The following IFT172 variants were observed in gnomAD, a reference collection of about 807,000 sequenced individuals.
The protein encoded by IFT172 is intraflagellar transport protein 172 homolog.
In IFT172, 164 loss-of-function variants were observed where a neutral mutation model predicts 248.9. The ratio of observed to expected loss-of-function variants is 0.66; its 90% CI spans 0.58 to 0.75. IFT172 has a LOEUF of 0.75. IFT172 is among the 30% of genes least tolerant of loss of function. IFT172 has a pLI of 0.00. For synonymous variants in IFT172, 729 were observed against 791.6 expected (o/e 0.92, Z 1.33); for missense variants, 1,950 against 2,192.4 (o/e 0.89, Z 2.21).
rs761504464 is a variant in IFT172 at position 27,446,282 on chromosome 2, T to A, written c.4733A>T (p.Tyr1578Phe). Residue 1578 changes from tyrosine to phenylalanine, a missense_variant, in exon 43 of 48, where the codon TAT becomes TTT. By Grantham distance (22) the Tyr-to-Phe change is conservative. Transcript: ENST00000260570. The stretch of plus-strand genomic sequence containing the variant: ...CACCTTGGCAGCAATGCCTGCTTCA[T>A]AGAAGGCTTTGTCTACAGGTAGTAG... ...TQLLPVDKAF[Y>F]EAGIAAKAVG... 2 of 1,614,244 alleles carry A rather than the reference T, an allele frequency of 1.2e-6. No homozygotes were observed. Among genetic ancestry groups the A allele is most frequent in the Non-Finnish European group, 1.7e-6 (2 of 1,180,032 alleles).
chr2:27,458,151 G>C lies in IFT172; in HGVS notation c.2950C>G (p.Gln984Glu). 6.2e-7 allele frequency: 1 copy of C among 1,614,044 alleles called. No homozygotes were observed. Among genetic ancestry groups the C allele is most frequent in the Non-Finnish European group, 8.5e-7 (1 of 1,179,974 alleles). Residue 984 changes from glutamine to glutamate, a missense_variant, in exon 27 of 48, where the codon CAG becomes GAG. This residue lies in a region of IFT172 where 1,166 missense variants were observed against 1,254.1 expected (regional missense o/e 0.93). Transcript: ENST00000260570. ...CTTTCAGCCTCACGGTACTTGCCCTGCTTCTCCATTTCCTGGGCCTGAGTG... is the reference window on the plus strand; with the variant it reads ...CTTTCAGCCTCACGGTACTTGCCCTCCTTCTCCATTTCCTGGGCCTGAGTG... Reference protein sequence around the residue: ...YITQAQEMEKQGKYREAERLY... With the variant: ...YITQAQEMEKEGKYREAERLY...
At position 27,460,992 on chromosome 2, in the gene IFT172, G is replaced by T. The variant is rs770434563; in HGVS notation, c.2521+23C>A. On this transcript the variant is annotated intron_variant, in intron 23 of 47. Transcript: ENST00000260570. ...TGGGCAAGAGTCCACAACAGTAAAG[G>T]ATGGCTTATAGGTGGCTAGTACCTT... 6 of 1,614,082 alleles carry T rather than the reference G, an allele frequency of 3.7e-6. No individual in the cohort carries two copies. In the South Asian group the frequency reaches 5.5e-5, roughly 15 times the overall value.
At chr2:27,458,694 C>T (rs769946652) in intron 26 of IFT172, 85 bp downstream of exon 26, 9 of 1,481,110 alleles carry the variant, frequency 6.1e-6, no homozygotes, top group South Asian at 2.5e-5. Flanking sequence ...GGGAGCCAAG[C>T]GAAGAGGAGA....
At chr2:27,463,318 A>C (rs773887050) in intron 18 of IFT172, 137 bp from the exon 19 acceptor site, 3 of 696,688 alleles carry the variant, frequency 4.3e-6, no homozygotes, top group Non-Finnish European at 7.0e-6. Context: ...TATAGAGACC[A>C]AGGAAGATGA....
rs1344874296 is a variant in IFT172 at position 27,445,456 on chromosome 2, A to C, written c.4915-7T>G. On this transcript the variant is annotated splice_polypyrimidine_tract_variant and splice_region_variant and intron_variant, in intron 45 of 47. Transcript: ENST00000260570. The surrounding 1 kb of genome is among the most constrained non-coding windows in gnomAD (Gnocchi z 4.4). ...CCTCTTCTCTCTCAGCCTCCTGGAAAGGACAAGAAGGGAGTGGTAGCTTCA... is the reference window on the plus strand; with the variant it reads ...CCTCTTCTCTCTCAGCCTCCTGGAACGGACAAGAAGGGAGTGGTAGCTTCA... 1.2e-6 allele frequency: 2 copies of C among 1,608,102 alleles called. No individual in the cohort carries two copies. The highest frequency in any genetic ancestry group is 1.7e-5 in the Admixed American group (1 of 59,124).
chr2:27,486,919 G>A lies in IFT172; in HGVS notation c.40-1416C>T, dbSNP rs185582609. Among the ~76,000 whole-genome samples the A allele has an allele frequency of 1.1e-3, 162 of 152,124 alleles. 2 individuals are homozygous for A. Among genetic ancestry groups the A allele is most frequent in the Non-Finnish European group, 5.7e-4 (39 of 67,990 alleles). The stretch of plus-strand genomic sequence containing the variant: ...TTATTTTTTTCTCCAACTGAGGAGA[G>A]AGCACAACTATCTTTGTTCTAATTT... On this transcript the variant is annotated intron_variant, in intron 1 of 47. Transcript: ENST00000260570.
intron 9 of IFT172, 67 bp from the exon 10 acceptor site, chr2:27,479,671 A>G (rs1287275076): frequency 9.7e-7 from 1 of 1,030,872 alleles, no homozygotes; most frequent in Non-Finnish European, 1.5e-6. Flanking sequence ...GAGTATCTAG[A>G]GACATCCTCA....
intron 1 of IFT172, chr2:27,486,234 G>A (rs1668758771): frequency 6.0e-6 from 1 of 167,196 alleles, no homozygotes; most frequent in Non-Finnish European, 1.5e-5. Context: ...CCAGGCAAAG[G>A]AGTTTGGGCT....
At chr2:27,468,848 CA>C (rs563611084) in intron 16 of IFT172, among the ~76,000 whole-genome samples, 69 of 60,280 alleles carry the variant, frequency 1.1e-3, no homozygotes, top group Middle Eastern at 9.6e-3. Flanking sequence ...CACTCCGTCT[CA>C]AAAAAAAAAA....
At position 27,474,054 on chromosome 2, in the gene IFT172, C is replaced by T. The variant is rs10166577; in HGVS notation, c.1412-1692G>A. On this transcript the variant is annotated intron_variant, in intron 14 of 47. Coordinates refer to ENST00000260570, the MANE Select transcript of IFT172 (RefSeq NM_015662.3). ...AACTCCTGACCTCAGGTGATCCGCC[C>T]GCCTCGGCCTCTCAAAGTATTGGGA... Among the ~76,000 whole-genome samples the T allele has an allele frequency of 6.8e-3, 1,042 of 152,168 alleles. 8 individuals carry two copies. The highest frequency in any genetic ancestry group is 0.024 in the African/African-American group (995 of 41,514).
intron 13 of IFT172, chr2:27,476,973 G>A (rs1379601295): frequency 6.8e-6 from 4 of 589,510 alleles, no homozygotes; most frequent in African/African-American, 3.7e-5. Context: ...ACAGGGGTGT[G>A]CCACCATGCC....
chr2:27,450,920 T>C (rs1341312843), intron 35 of IFT172, among the ~76,000 whole-genome samples: 3 of 151,082 alleles, frequency 2.0e-5, no homozygotes, highest in Admixed American at 6.6e-5. Context: ...TATACTGTGT[T>C]AAATAAAATA....
intron 9 of IFT172, 55 bp downstream of exon 9, chr2:27,479,971 T>G: frequency 1.9e-6 from 3 of 1,583,708 alleles, no homozygotes; most frequent in Admixed American, 1.8e-5. Flanking sequence ...AAGGCAGGAT[T>G]TTTTTCTAGT....
At chr2:27,453,909 G>C in intron 33 of IFT172, 73 bp downstream of exon 33, 1 of 1,483,800 alleles carries the variant, frequency 6.7e-7, no homozygotes, top group East Asian at 2.3e-5. Flanking sequence ...TTCATACCAG[G>C]GGTCAGTGTG....
chr2:27,484,027 C>T (rs1668572519), intron 4 of IFT172, 90 bp from the exon 5 acceptor site: 4 of 1,301,008 alleles, frequency 3.1e-6, no homozygotes, highest in East Asian at 2.3e-5. Flanking sequence ...CACACCACCA[C>T]CTCAATCTCC....
At chr2:27,485,335 A>G in intron 2 of IFT172, 25 bp downstream of exon 2, 1 of 1,613,452 alleles carries the variant, frequency 6.2e-7, no homozygotes, top group Non-Finnish European at 8.5e-7. Context: ...AGGTTAAATA[A>G]GGTACACATG....
chr2:27,449,923 T>C (rs551384615), intron 36 of IFT172, 75 bp downstream of exon 36: 3 of 1,434,166 alleles, frequency 2.1e-6, no homozygotes, highest in Non-Finnish European at 2.9e-6. Flanking sequence ...CTCACACACC[T>C]TCCTGGGTGT....
Position 27,459,780 on chromosome 2 carries a change from C to T in IFT172, c.2571G>A (p.Glu857=), listed in dbSNP as rs1175878785. The T allele has an allele frequency of 8.7e-6, 14 of 1,612,994 alleles. No homozygotes were observed. The highest frequency in any genetic ancestry group is 1.2e-5 in the Non-Finnish European group (14 of 1,180,034). Residue 857 remains glutamate, a synonymous_variant, in exon 24 of 48, where the codon GAG becomes GAA. Coordinates refer to ENST00000260570, the MANE Select transcript of IFT172 (RefSeq NM_015662.3). ...GCACCAGGTGGTCCCCCCATGCCTC[C>T]TCTAGTTTCACCACCTCCACTGGGA... The part of the protein sequence containing the change: ...LAFPVEVVKL[E]EAWGDHLVQQ...
Position 27,449,106 on chromosome 2 carries a change from T to C in IFT172, c.4312-75A>G, listed in dbSNP as rs1232887086. 1.1e-5 allele frequency: 12 copies of C among 1,089,350 alleles called. No individual in the cohort carries two copies. In the East Asian group the frequency reaches 2.4e-4, roughly 21 times the overall value. 67.5% of individuals were successfully genotyped at this position (1,089,350 alleles called of 1,614,324 possible). On this transcript the variant is annotated intron_variant, in intron 39 of 47. Transcript: ENST00000260570. The stretch of plus-strand genomic sequence containing the variant: ...CAAGCAGTGAGGTGACTTGAGGCCA[T>C]GTATTTGTTGAGGGGAAAAAGGGTG...
Sources: allele counts gnomAD v4.1 joint callset (sites outside exome capture counted in the v4.1 genomes callset), GRCh38; gene constraint gnomAD v4.1.1; regional missense constraint gnomAD v4.1.1; non-coding constraint Gnocchi (gnomAD v3.1); transcripts MANE v1.5; gene names NCBI Gene and HGNC (gene_info 2026-07-23, HGNC 2026-07-21).